EFTUD2: variants seen among roughly 807,000 people sequenced by gnomAD.
EFTUD2 encodes 116 kDa U5 small nuclear ribonucleoprotein component.
Under a neutral mutation model 114.3 loss-of-function variants are expected in EFTUD2, and 9 were observed. The observed-to-expected ratio is 0.08, with a 90% CI of 0.05 to 0.14. The LOEUF (loss-of-function observed/expected upper bound fraction) is 0.14. Ranked by LOEUF, EFTUD2 falls within the 10% of genes least tolerant of loss-of-function variation. EFTUD2 has a pLI of 1.00. For missense variants in EFTUD2, 765 were observed against 1,241.2 expected (o/e 0.62, Z 5.76); for synonymous variants, 449 against 462.3 (o/e 0.97, Z 0.37).
chr17:44,865,140 C>A (rs527259340), intron 13 of EFTUD2, 75 bp from the exon 14 acceptor site: 2 of 1,568,344 alleles, frequency 1.3e-6, no homozygotes, highest in South Asian at 1.2e-5. Context: ...AAGGGAAGTC[C>A]AAAGAAATAT....
chr17:44,853,458 C>T, intron 24 of EFTUD2, 59 bp downstream of exon 24: 1 of 1,610,924 alleles, frequency 6.2e-7, no homozygotes, highest in Non-Finnish European at 8.5e-7. Flanking sequence ...CCCACTTGCT[C>T]CTTCACTTAG....
rs751411304 is a variant in EFTUD2, at chr17:44,883,099, G to A, written c.486C>T (p.Asp162=). ...QTHPEIRKRY[D]QDLCYTDILF... is the part of the protein sequence containing the mutation. Reference sequence around the variant, plus strand: ...CAACAGAAGTTCTACTTACATCTTGGTCATAGCGCTTTCTGATTTCCGGGT... The same window carrying A: ...CAACAGAAGTTCTACTTACATCTTGATCATAGCGCTTTCTGATTTCCGGGT... Residue 162 remains aspartate, a synonymous_variant, in exon 6 of 28, where the codon GAC becomes GAT. Transcript: ENST00000426333. 1 of 1,614,038 alleles carries A rather than the reference G, an allele frequency of 6.2e-7. No individual in the cohort carries two copies. The highest frequency in any genetic ancestry group is 1.1e-5 in the South Asian group (1 of 91,082).
intron 2 of EFTUD2, among the ~76,000 whole-genome samples, chr17:44,891,474 T>C (rs2051277469): frequency 6.6e-6 from 1 of 152,218 alleles, no homozygotes; most frequent in African/African-American, 2.4e-5. Context: ...CTCAGTCTCC[T>C]GAGTAGCTGT....
chr17:44,898,722 C>T (rs1482076172), intron 1 of EFTUD2, among the ~76,000 whole-genome samples: 1 of 152,252 alleles, frequency 6.6e-6, no homozygotes, highest in Non-Finnish European at 1.5e-5. Flanking sequence ...TACTCTCCAA[C>T]TTCCCACTTT....
At chr17:44,879,498 G>C in intron 9 of EFTUD2, 58 bp downstream of exon 9, 1 of 1,560,466 alleles carries the variant, frequency 6.4e-7, no homozygotes, top group South Asian at 1.1e-5. Flanking sequence ...GGGTATTGTT[G>C]CGGGGTGGGG....
intron 10 of EFTUD2, among the ~76,000 whole-genome samples, chr17:44,875,096 C>T (rs1028802535): frequency 2.6e-5 from 4 of 151,902 alleles, no homozygotes; most frequent in Non-Finnish European, 5.9e-5. Context: ...CTGGGTGCAG[C>T]GGCTCAAATC....
At chr17:44,894,254 C>G in intron 2 of EFTUD2, 163 bp downstream of exon 2, 3 of 602,238 alleles carry the variant, frequency 5.0e-6, no homozygotes, top group Non-Finnish European at 8.9e-6. Context: ...CCTGTAGTCC[C>G]AGCTACTTGG....
At chr17:44,896,013 C>A (rs147296158) in intron 1 of EFTUD2, 4 of 152,164 alleles carry the variant, frequency 2.6e-5, no homozygotes, top group African/African-American at 9.7e-5. Context: ...TCAGGTTATG[C>A]GTTTTGGGCA....
chr17:44,852,866 G>C (rs1179572956), intron 25 of EFTUD2, among the ~76,000 whole-genome samples: 3 of 143,284 alleles, frequency 2.1e-5, no homozygotes. Context: ...TGTGAGGAGG[G>C]GATCCCAAAA....
At chr17:44,873,085 C>T (rs16939653) in intron 10 of EFTUD2, 8,978 of 152,586 alleles carry the variant, frequency 0.059, 319 homozygotes, top group Non-Finnish European at 0.079. Flanking sequence ...ATGCAGAAAC[C>T]ACGAGCATCT....
At position 44,852,577 on chromosome 17, in the gene EFTUD2, C is replaced by CA; in HGVS notation, c.2562-16dup. On this transcript the variant is annotated splice_polypyrimidine_tract_variant and intron_variant, in intron 25 of 27. Transcript: ENST00000426333. ...TCACGTGCCCCCTGAGACAGAAAAA[C>CA]AAAGGCTGAGCCTCTAGTCAAACAT... is the stretch of plus-strand genomic sequence containing the variant. 5 of 1,613,272 alleles carry CA rather than the reference C, an allele frequency of 3.1e-6. No homozygotes were observed. The highest frequency in any genetic ancestry group is 4.2e-6 in the Non-Finnish European group (5 of 1,179,540).
At chr17:44,885,713 C>T (rs754066685) in intron 3 of EFTUD2, among the ~76,000 whole-genome samples, 16 of 152,028 alleles carry the variant, frequency 1.1e-4, no homozygotes, top group African/African-American at 3.4e-4. Context: ...CAGGCTGAAG[C>T]GTACAAATGG....
intron 4 of EFTUD2, among the ~76,000 whole-genome samples, chr17:44,885,034 C>T (rs2051142031): frequency 6.6e-6 from 1 of 152,184 alleles, no homozygotes; most frequent in Admixed American, 6.5e-5. Flanking sequence ...CAACATCAAA[C>T]TAAAGATCTG....
chr17:44,867,368 C>T (rs1426625503), intron 13 of EFTUD2, among the ~76,000 whole-genome samples: 12 of 146,868 alleles, frequency 8.2e-5, no homozygotes, highest in African/African-American at 1.3e-4. Context: ...GGTGCAATCT[C>T]GGCTCACTGC....
At chr17:44,860,355 A>C in intron 17 of EFTUD2, 77 bp downstream of exon 17, 1 of 1,010,668 alleles carries the variant, frequency 9.9e-7, no homozygotes, top group African/African-American at 1.6e-5. Flanking sequence ...ACTGTGGATT[A>C]GTCCCGTTTG....
intron 25 of EFTUD2, 36 bp from the exon 26 acceptor site, chr17:44,852,598 A>C: frequency 6.2e-7 from 1 of 1,609,050 alleles, no homozygotes. Context: ...CCTCTAGTCA[A>C]ACATAGGCCA....
At position 44,850,264 on chromosome 17, in the gene EFTUD2, C is replaced by T. The variant is rs371571998; in HGVS notation, c.*1010G>A. The T allele has an allele frequency of 9.1e-5, 119 of 1,304,148 alleles. No homozygotes were observed. Among genetic ancestry groups the T allele is most frequent in the African/African-American group, 3.1e-4 (22 of 70,004 alleles). The allele number at this position is 1,304,148 out of a possible 1,614,324, so 80.8% of individuals were successfully genotyped here. ...AGCAGCTAGAGGTGAACCCCTAGGA[C>T]GCCTGAGAGCCAGAGGACGGGTGAA... On this transcript the variant is annotated 3_prime_UTR_variant, in exon 28 of 28. Coordinates refer to ENST00000426333, the MANE Select transcript of EFTUD2 (RefSeq NM_004247.4).
At chr17:44,853,959 C>T (rs2050501776) in intron 23 of EFTUD2, 2 of 1,356,248 alleles carry the variant, frequency 1.5e-6, no homozygotes, top group Non-Finnish European at 1.9e-6. Context: ...CCATGAAGCC[C>T]AATCAGGGTC....
At chr17:44,859,771 G>T in intron 18 of EFTUD2, 134 bp downstream of exon 18, 1 of 1,415,722 alleles carries the variant, frequency 7.1e-7, no homozygotes, top group Non-Finnish European at 9.7e-7. Flanking sequence ...ACAGCCATAG[G>T]CTGGGCTTGC....
Sources: allele counts gnomAD v4.1 joint callset (sites outside exome capture counted in the v4.1 genomes callset), GRCh38; gene constraint gnomAD v4.1.1; transcripts MANE v1.5; gene names NCBI Gene and HGNC (gene_info 2026-07-23, HGNC 2026-07-21).